Variants in CLEC16A observed in about 807,000 individuals in gnomAD.
The protein encoded by CLEC16A is C-type lectin domain containing 16A.
In CLEC16A, 51 loss-of-function variants were observed where a neutral mutation model predicts 109.5. That is an observed-to-expected ratio of 0.47 (90% CI 0.37 to 0.59). The LOEUF is 0.59. Ranked by LOEUF, CLEC16A falls within the 20% of genes least tolerant of loss-of-function variation. The pLI, the probability that CLEC16A is intolerant of heterozygous loss-of-function variation, is 0.00. For missense variants in CLEC16A, 1,339 were observed against 1,394.0 expected, an observed-to-expected ratio of 0.96 and a Z score of 0.63; for synonymous variants, 673 against 564.2, an observed-to-expected ratio of 1.19 and a Z score of -2.73.
intron 22 of CLEC16A, 110 bp from the exon 23 acceptor site, chr16:11,166,278 G>C (rs2068256425): frequency 8.8e-6 from 11 of 1,252,266 alleles, no homozygotes; most frequent in South Asian, 7.6e-5. Context: ...CCAGGGAACA[G>C]AGCAGGACTT....
chr16:11,033,281 G>A (rs1195780550), intron 13 of CLEC16A, among the ~76,000 whole-genome samples: 2 of 152,088 alleles, frequency 1.3e-5, no homozygotes, highest in East Asian at 3.9e-4. Context: ...GAGGGGTTCT[G>A]GTTGATTTGA....
intron 4 of CLEC16A, 124 bp downstream of exon 4, chr16:10,969,433 G>A (rs1322002584): frequency 4.8e-6 from 3 of 627,612 alleles, no homozygotes; most frequent in Non-Finnish European, 7.5e-6. Context: ...TTATATGCTT[G>A]TTATGATTTT....
At chr16:11,078,383 C>T (rs1197445539) in intron 19 of CLEC16A, among the ~76,000 whole-genome samples, 1 of 152,206 alleles carries the variant, frequency 6.6e-6, no homozygotes, top group Non-Finnish European at 1.5e-5. Flanking sequence ...GAGGAATGTT[C>T]TGGAACTCAG....
intron 22 of CLEC16A, among the ~76,000 whole-genome samples, chr16:11,132,538 T>G (rs1046023760): frequency 6.6e-6 from 1 of 152,202 alleles, no homozygotes; most frequent in South Asian, 2.1e-4. Flanking sequence ...AAGCTTTTGT[T>G]TGAACGCCTG....
chr16:11,080,155 G>A (rs567023410), intron 19 of CLEC16A, among the ~76,000 whole-genome samples: 8 of 152,256 alleles, frequency 5.3e-5, no homozygotes, highest in African/African-American at 9.6e-5. Flanking sequence ...ACTCCCGTGC[G>A]CGTCCATCCA....
In CLEC16A at chr16:10,956,350, T is replaced by G. The variant is rs187594691; in HGVS notation, c.81-1432T>G. Among the ~76,000 whole-genome samples the G allele has an allele frequency of 8.5e-4, 129 of 152,388 alleles. 1 individual carries two copies. The highest frequency in any genetic ancestry group is 3.0e-3 in the African/African-American group (124 of 41,592). Reference sequence around the variant, plus strand: ...ATTGTTTCATCTTCAGGCTGCTTCCTCTTTATGTCTTACCCGTTTTTAGAG... The same window carrying G: ...ATTGTTTCATCTTCAGGCTGCTTCCGCTTTATGTCTTACCCGTTTTTAGAG... On this transcript the variant is annotated intron_variant, in intron 1 of 23. Coordinates refer to ENST00000409790, the MANE Select transcript of CLEC16A (RefSeq NM_015226.3).
chr16:11,052,708 C>G (rs1169778159), intron 18 of CLEC16A, among the ~76,000 whole-genome samples: 1 of 152,158 alleles, frequency 6.6e-6, no homozygotes, highest in Non-Finnish European at 1.5e-5. Flanking sequence ...CACTGGAGGA[C>G]TGGTTCTGAC....
chr16:11,088,447 G>T (rs1326576626), intron 19 of CLEC16A, among the ~76,000 whole-genome samples: 1 of 152,206 alleles, frequency 6.6e-6, no homozygotes, highest in Non-Finnish European at 1.5e-5. Flanking sequence ...GGGTGTGGGT[G>T]AAAGCCTCGT....
At chr16:11,044,955 G>A (rs8056098) in intron 16 of CLEC16A, among the ~76,000 whole-genome samples, 73,309 of 150,192 alleles carry the variant, frequency 0.49, 19,088 homozygotes, top group African/African-American at 0.68. Flanking sequence ...ACTAATTGCC[G>A]TGGTTTTGTT....
At chr16:11,136,200 C>T (rs999873337) in intron 22 of CLEC16A, 9 of 152,208 alleles carry the variant, frequency 5.9e-5, no homozygotes, top group Admixed American at 5.2e-4. Context: ...ATTTGGTTCA[C>T]CTTGTTGGAT....
chr16:11,086,912 T>C (rs1428131946), intron 19 of CLEC16A, among the ~76,000 whole-genome samples: 5 of 152,212 alleles, frequency 3.3e-5, no homozygotes, highest in Admixed American at 3.3e-4. Flanking sequence ...GTTCTGTGTC[T>C]GGGCACCAGG....
intron 3 of CLEC16A, among the ~76,000 whole-genome samples, chr16:10,964,331 G>A (rs1280061048): frequency 6.6e-6 from 1 of 152,216 alleles, no homozygotes; most frequent in African/African-American, 2.4e-5. Context: ...AAATGACTGC[G>A]GTTTCTAAAA....
chr16:11,146,794 G>A (rs2054077809), intron 22 of CLEC16A, among the ~76,000 whole-genome samples: 2 of 152,106 alleles, frequency 1.3e-5, no homozygotes, highest in Admixed American at 6.5e-5. Context: ...TGGATGGATG[G>A]TGGAGCCAAC....
intron 18 of CLEC16A, among the ~76,000 whole-genome samples, chr16:11,058,739 T>C (rs1237154986): frequency 6.6e-6 from 1 of 152,200 alleles, no homozygotes; most frequent in Non-Finnish European, 1.5e-5. Flanking sequence ...AAGGTTACAG[T>C]TTTTCAGAGT....
rs767452098 is a variant in CLEC16A, at chr16:11,024,806, C to G, written c.1437-15C>G. 1.9e-6 allele frequency: 3 copies of G among 1,575,910 alleles called. No individual in the cohort carries two copies. In the South Asian group the frequency reaches 3.5e-5, roughly 18 times the overall value. ...GTGCACCGTGAGGCTCATACATGCC[C>G]CTCCTCTTTTCCAGACCCTTCCTGG... On this transcript the variant is annotated splice_polypyrimidine_tract_variant and intron_variant, in intron 12 of 23. Transcript: ENST00000409790.
intron 10 of CLEC16A, among the ~76,000 whole-genome samples, chr16:10,998,336 C>T (rs964388562): frequency 6.6e-6 from 1 of 152,174 alleles, no homozygotes; most frequent in Admixed American, 6.5e-5. Flanking sequence ...CTCAGGGCTC[C>T]CTTGTGTTTC....
chr16:11,178,680 C>G lies in CLEC16A; in HGVS notation c.3152C>G (p.Ala1051Gly). 1.3e-6 allele frequency: 2 copies of G among 1,503,208 alleles called. No individual in the cohort carries two copies. The highest frequency in any genetic ancestry group is 2.8e-5 in the African/African-American group (2 of 72,650). The allele number at this position is 1,503,208 out of a possible 1,614,324, so 93.1% of individuals were successfully genotyped here. Residue 1051 changes from alanine to glycine, a missense_variant, in exon 24 of 24, where the codon GCT becomes GGT. By Grantham distance (60) the Ala-to-Gly change is moderately conservative (BLOSUM62 0). Coordinates refer to ENST00000409790, the MANE Select transcript of CLEC16A (RefSeq NM_015226.3). The surrounding 1 kb of genome is among the most constrained non-coding windows in gnomAD (Gnocchi z 6.5). Reference protein sequence around the residue: ...EAACAEPVGTAED With the variant: ...EAACAEPVGTGED Reference sequence around the variant, plus strand: ...GCATGTGCTGAGCCTGTGGGCACCGCTGAGGACTGAGTCAGTGCCGGGGCC... The same window carrying G: ...GCATGTGCTGAGCCTGTGGGCACCGGTGAGGACTGAGTCAGTGCCGGGGCC...
chr16:11,022,621 C>T (rs1317355605), intron 12 of CLEC16A, among the ~76,000 whole-genome samples: 5 of 151,906 alleles, frequency 3.3e-5, no homozygotes, highest in Non-Finnish European at 7.4e-5. Context: ...CCTAAGAGGC[C>T]GGGTGCAGTG....
chr16:10,956,557 T>G (rs1312791707), intron 1 of CLEC16A, among the ~76,000 whole-genome samples: 1 of 152,198 alleles, frequency 6.6e-6, no homozygotes, highest in Non-Finnish European at 1.5e-5. Flanking sequence ...TGAAGTTACC[T>G]GGGGCTGTGG....
Sources: allele counts gnomAD v4.1 joint callset (sites outside exome capture counted in the v4.1 genomes callset), GRCh38; gene constraint gnomAD v4.1.1; non-coding constraint Gnocchi (gnomAD v3.1); transcripts MANE v1.5; gene names NCBI Gene and HGNC (gene_info 2026-07-23, HGNC 2026-07-21).